STK24: variants seen among roughly 807,000 people sequenced by gnomAD.
STK24 encodes the protein serine/threonine kinase 24.
In STK24, 21 loss-of-function variants were observed where a neutral mutation model predicts 55.6. That is an observed-to-expected ratio of 0.38 (90% CI 0.27 to 0.54). The LOEUF is 0.54. STK24 is among the 20% of genes least tolerant of loss of function. The pLI, the probability that STK24 is intolerant of heterozygous loss-of-function variation, is 0.79. For missense variants in STK24, 383 were observed against 538.4 expected (o/e 0.71, Z 2.86); for synonymous variants, 200 against 215.2 (o/e 0.93, Z 0.62).
chr13:98,544,799 C>T (rs1332695563), intron 1 of STK24, among the ~76,000 whole-genome samples: 1 of 152,136 alleles, frequency 6.6e-6, no homozygotes, highest in Non-Finnish European at 1.5e-5. Flanking sequence ...ACAGACAATT[C>T]GGAGCACCTT....
rs149023511 is a variant in STK24 at position 98,569,308 on chromosome 13, A to T, written c.42+7437T>A. ...TATCAACTGAGGGAGAAGAAAAAAAATTTTTGAAAAGCCTGTCTCCCACGC... is the reference window on the plus strand; with the variant it reads ...TATCAACTGAGGGAGAAGAAAAAAATTTTTTGAAAAGCCTGTCTCCCACGC... On this transcript the variant is annotated intron_variant, in intron 1 of 10. Transcript: ENST00000539966. Among the ~76,000 whole-genome samples, 769 of 151,974 alleles carry T rather than the reference A, an allele frequency of 5.1e-3. 6 individuals carry two copies. The highest frequency in any genetic ancestry group is 0.017 in the African/African-American group (721 of 41,418).
At chr13:98,548,799 T>C (rs1594661134) in intron 1 of STK24, among the ~76,000 whole-genome samples, 1 of 144,330 alleles carries the variant, frequency 6.9e-6, no homozygotes, top group Non-Finnish European at 1.5e-5. Flanking sequence ...GAGGTGGAGG[T>C]TGCAGTGACC....
chr13:98,476,361 G>A (rs1288515287), intron 3 of STK24, among the ~76,000 whole-genome samples: 2 of 151,882 alleles, frequency 1.3e-5, no homozygotes, highest in African/African-American at 2.4e-5. Flanking sequence ...GAGGGCAGAT[G>A]TCTAATCGAT....
At chr13:98,541,820 G>A (rs1446139539) in intron 1 of STK24, among the ~76,000 whole-genome samples, 3 of 152,166 alleles carry the variant, frequency 2.0e-5, no homozygotes, top group African/African-American at 4.8e-5. Flanking sequence ...TAAACAGCAC[G>A]CACTGGTATT....
chr13:98,463,942 G>A (rs1893824253), intron 6 of STK24, 106 bp from the exon 7 acceptor site: 11 of 1,311,794 alleles, frequency 8.4e-6, no homozygotes, highest in Non-Finnish European at 1.2e-5. Context: ...GACACCTGAT[G>A]GCTGGACTCT....
intron 2 of STK24, among the ~76,000 whole-genome samples, chr13:98,502,075 C>T (rs1895488042): frequency 1.3e-5 from 2 of 152,192 alleles, no homozygotes; most frequent in African/African-American, 4.8e-5. Context: ...TCTTACTCTG[C>T]CCCAACCCTG....
At chr13:98,468,441 T>C (rs1894000590) in intron 5 of STK24, among the ~76,000 whole-genome samples, 1 of 152,152 alleles carries the variant, frequency 6.6e-6, no homozygotes, top group South Asian at 2.1e-4. Flanking sequence ...AGCAGGTGCA[T>C]GGGAGCACAG....
chr13:98,576,253 G>A (rs1246700947), intron 1 of STK24: 33 of 981,752 alleles, frequency 3.4e-5, no homozygotes, highest in Admixed American at 6.1e-5. Flanking sequence ...GACGAGTCCA[G>A]GCGCGCTCCC....
chr13:98,560,879 G>A (rs1474607883), intron 1 of STK24, among the ~76,000 whole-genome samples: 6 of 150,404 alleles, frequency 4.0e-5, no homozygotes, highest in Non-Finnish European at 7.4e-5. Flanking sequence ...CTGGGAGACA[G>A]GGCAAGACTC....
intron 7 of STK24, among the ~76,000 whole-genome samples, chr13:98,462,523 C>T (rs1893750175): frequency 2.0e-5 from 3 of 152,132 alleles, no homozygotes; most frequent in South Asian, 4.1e-4. Context: ...ATTAAGCCTG[C>T]ACCTCCTCCC....
At chr13:98,542,240 G>GT (rs1476144949) in intron 1 of STK24, among the ~76,000 whole-genome samples, 2 of 152,184 alleles carry the variant, frequency 1.3e-5, no homozygotes, top group African/African-American at 2.4e-5. Flanking sequence ...TTAAAGCATT[G>GT]TAAATGGGAC....
At chr13:98,476,084 G>A (rs2139289827) in intron 3 of STK24, among the ~76,000 whole-genome samples, 1 of 152,054 alleles carries the variant, frequency 6.6e-6, no homozygotes, top group East Asian at 1.9e-4. Context: ...ACCTCTGAAA[G>A]CTTTTATTCT....
intron 2 of STK24, among the ~76,000 whole-genome samples, chr13:98,507,991 G>A (rs937103918): frequency 7.0e-6 from 1 of 143,752 alleles, no homozygotes; most frequent in African/African-American, 2.9e-5. Flanking sequence ...AAGTACCAAA[G>A]GAGAATTCAA....
At chr13:98,528,096 C>T (rs529843973) in intron 1 of STK24, among the ~76,000 whole-genome samples, 26 of 152,264 alleles carry the variant, frequency 1.7e-4, no homozygotes, top group Non-Finnish European at 1.3e-4. Context: ...ACTGGGCCAC[C>T]GGACTCTCAT....
chr13:98,485,737 C>T (rs1247140410), intron 2 of STK24, among the ~76,000 whole-genome samples: 1 of 152,310 alleles, frequency 6.6e-6, no homozygotes, highest in Non-Finnish European at 1.5e-5. Flanking sequence ...CAGTTAAGTT[C>T]GATCTCTTTA....
chr13:98,483,551 G>A (rs1894686175), intron 2 of STK24, among the ~76,000 whole-genome samples: 1 of 152,094 alleles, frequency 6.6e-6, no homozygotes, highest in Non-Finnish European at 1.5e-5. Context: ...TTGAGAACAC[G>A]CCCCAACTTC....
rs1428260949 is a variant in STK24 at position 98,451,935 on chromosome 13, C to T, written c.*1238G>A. On this transcript the variant is annotated 3_prime_UTR_variant, in exon 11 of 11. Coordinates refer to ENST00000539966, the MANE Select transcript of STK24 (RefSeq NM_001032296.4). ...GGTCCCCGGCAACCGCTACAGCAAT[C>T]GCACAGATCAGCAACCTCCAACTGC... 3 of 152,296 alleles carry T rather than the reference C, an allele frequency of 2.0e-5. No individual in the cohort carries two copies. The highest frequency in any genetic ancestry group is 1.9e-4 in the East Asian group (1 of 5,182). The allele number at this position is 152,296 out of a possible 1,614,324, so 9.4% of individuals were successfully genotyped here. A position where few individuals can be genotyped will look rare whatever the true frequency, so the allele number is the denominator to read the frequency against.
In STK24 at chr13:98,448,330, C is replaced by G. The variant is rs1365068041; in HGVS notation, c.*4843G>C. ...TCTTGTGTATTGATGGCCGGACACACTCGTTTCCGCAGTGGCTGCTTTCCT... is the reference window on the plus strand; with the variant it reads ...TCTTGTGTATTGATGGCCGGACACAGTCGTTTCCGCAGTGGCTGCTTTCCT... On this transcript the variant is annotated 3_prime_UTR_variant, in exon 11 of 11. Coordinates refer to ENST00000539966, the MANE Select transcript of STK24 (RefSeq NM_001032296.4). 7 of 1,593,472 alleles carry G rather than the reference C, an allele frequency of 4.4e-6. No individual in the cohort carries two copies. Among genetic ancestry groups the G allele is most frequent in the East Asian group, 2.2e-5 (1 of 44,804 alleles).
chr13:98,559,002 T>TTA (rs1897345896), intron 1 of STK24, among the ~76,000 whole-genome samples: 1 of 43,024 alleles, frequency 2.3e-5, no homozygotes, highest in Non-Finnish European at 3.9e-5. Flanking sequence ...CTGTCTCTAC[T>TTA]AAAAAAAAAA....
Sources: gnomAD v4.1 joint callset for allele counts (sites outside exome capture counted in the v4.1 genomes callset) on GRCh38, gnomAD v4.1.1 for gene constraint, MANE v1.5 for transcripts, NCBI Gene and HGNC (gene_info 2026-07-23, HGNC 2026-07-21) for gene names.